The following CNTNAP5 variants were observed in gnomAD, a reference collection of about 807,000 sequenced individuals.
CNTNAP5 encodes contactin associated protein family member 5.
CNTNAP5 carries 72 observed loss-of-function variants against 150.2 expected under a neutral mutation model. That is an observed-to-expected ratio of 0.48 (90% CI 0.40 to 0.58). CNTNAP5 has a LOEUF of 0.58. CNTNAP5 is among the 20% of genes least tolerant of loss of function. The pLI, the probability that CNTNAP5 is intolerant of heterozygous loss-of-function variation, is 0.00. For missense variants in CNTNAP5, 1,636 were observed against 1,626.2 expected (o/e 1.01, Z -0.10); for synonymous variants, 672 against 619.8 (o/e 1.08, Z -1.25).
intron 13 of CNTNAP5, among the ~76,000 whole-genome samples, chr2:124,649,454 G>A (rs112023689): frequency 1.1e-4 from 17 of 152,224 alleles, no homozygotes; most frequent in Middle Eastern, 3.4e-3. Context: ...TGAAGGTTTC[G>A]GTTTGGCCGA....
rs141688070 is a variant in CNTNAP5 at position 124,778,545 on chromosome 2, C to T, written c.2752+5528C>T. 492 of 153,930 alleles carry T rather than the reference C, an allele frequency of 3.2e-3. 2 individuals are homozygous for T. Among genetic ancestry groups the T allele is most frequent in the Non-Finnish European group, 5.4e-3 (368 of 68,146 alleles). The allele number at this position is 153,930 out of a possible 1,614,324, so 9.5% of individuals were successfully genotyped here. Reference sequence around the variant, plus strand: ...GCTGGCATCATTAGCTTCATCAATACCCAGACCGAGTTTGATCATCCTGTC... The same window carrying T: ...GCTGGCATCATTAGCTTCATCAATATCCAGACCGAGTTTGATCATCCTGTC... On this transcript the variant is annotated intron_variant, in intron 17 of 23. Transcript: ENST00000682447.
At chr2:124,582,620 G>A (rs1163905024) in intron 11 of CNTNAP5, among the ~76,000 whole-genome samples, 3 of 152,252 alleles carry the variant, frequency 2.0e-5, no homozygotes, top group East Asian at 3.9e-4. Flanking sequence ...CTGATGGCCT[G>A]CTCAGGCTCT....
intron 5 of CNTNAP5, among the ~76,000 whole-genome samples, chr2:124,439,425 TAAAATAACTATGCATCATCAAA>T (rs897855644): frequency 6.6e-6 from 1 of 152,158 alleles, no homozygotes; most frequent in Non-Finnish European, 1.5e-5. Flanking sequence ...TAATTGGAAA[TAAAATAACTATGCATCATCAAA>T]ATCATATAAC....
chr2:124,126,304 C>A (rs1221424483), intron 1 of CNTNAP5, among the ~76,000 whole-genome samples: 1 of 152,172 alleles, frequency 6.6e-6, no homozygotes, highest in Non-Finnish European at 1.5e-5. Flanking sequence ...ACTAGAAAAT[C>A]TAGAAGAAAT....
intron 7 of CNTNAP5, among the ~76,000 whole-genome samples, chr2:124,481,488 A>T (rs541237271): frequency 2.6e-5 from 4 of 152,354 alleles, no homozygotes; most frequent in Admixed American, 2.6e-4. Flanking sequence ...TTTCTTTAGA[A>T]TGTTTTAAAA....
chr2:124,054,247 G>A (rs1289732058), intron 1 of CNTNAP5, among the ~76,000 whole-genome samples: 1 of 152,142 alleles, frequency 6.6e-6, no homozygotes, highest in Non-Finnish European at 1.5e-5. Flanking sequence ...TGGGTTGGTT[G>A]TCTTTTTAAA....
intron 13 of CNTNAP5, among the ~76,000 whole-genome samples, chr2:124,705,374 A>G (rs1268240472): frequency 6.6e-6 from 1 of 152,068 alleles, no homozygotes; most frequent in Non-Finnish European, 1.5e-5. Context: ...CTAAAAATAA[A>G]ATAATTAGGC....
intron 3 of CNTNAP5, among the ~76,000 whole-genome samples, chr2:124,351,274 G>A (rs568238832): frequency 6.6e-6 from 1 of 152,162 alleles, no homozygotes; most frequent in African/African-American, 2.4e-5. Flanking sequence ...TTCCTTCAGG[G>A]CAGCCACTTT....
chr2:124,217,110 A>G (rs552525726), intron 1 of CNTNAP5, among the ~76,000 whole-genome samples: 1 of 152,314 alleles, frequency 6.6e-6, no homozygotes, highest in African/African-American at 2.4e-5. Flanking sequence ...AGGCCAATGC[A>G]TCTGTGAAAT....
At chr2:124,510,492 T>TAC (rs1558933522) in intron 8 of CNTNAP5, among the ~76,000 whole-genome samples, 1 of 118,288 alleles carries the variant, frequency 8.5e-6, no homozygotes, top group African/African-American at 3.1e-5. Flanking sequence ...TATATATATA[T>TAC]ATATATATAT....
chr2:124,092,771 G>A (rs1188860023), intron 1 of CNTNAP5, among the ~76,000 whole-genome samples: 2 of 152,132 alleles, frequency 1.3e-5, no homozygotes, highest in Admixed American at 6.5e-5. Context: ...CTTGTCTCTT[G>A]CTTTTTAATG....
chr2:124,575,639 A>G (rs1388902925), intron 11 of CNTNAP5, among the ~76,000 whole-genome samples: 2 of 152,174 alleles, frequency 1.3e-5, no homozygotes, highest in African/African-American at 4.8e-5. Flanking sequence ...GCTCTGCTCT[A>G]GTATCACCTC....
intron 13 of CNTNAP5, among the ~76,000 whole-genome samples, chr2:124,745,674 A>G (rs1204956584): frequency 6.6e-6 from 1 of 152,234 alleles, no homozygotes; most frequent in Non-Finnish European, 1.5e-5. Context: ...ACTGGTTAAC[A>G]GACATCTCCA....
At position 124,686,483 on chromosome 2, in the gene CNTNAP5, A is replaced by G. The variant is rs903220148; in HGVS notation, c.2077+38525A>G. Among the ~76,000 whole-genome samples, 10 of 152,120 alleles carry G rather than the reference A, an allele frequency of 6.6e-5. 1 individual carries two copies. The highest frequency in any genetic ancestry group is 6.6e-4 in the Admixed American group (10 of 15,240). On this transcript the variant is annotated intron_variant, in intron 13 of 23. Transcript: ENST00000682447. ...AATACTCCCCAAAGATGGCTCACCTATAGAAGAAAAGGACCTGGTACCGGA... is the reference window on the plus strand; with the variant it reads ...AATACTCCCCAAAGATGGCTCACCTGTAGAAGAAAAGGACCTGGTACCGGA...
Position 124,496,748 on chromosome 2 carries a change from A to G in CNTNAP5, c.1063-7544A>G, listed in dbSNP as rs557646288. ...TTACTATTTCCTCTCAGGAATAATG[A>G]AGGACGTGCCAGGATCTCACTGTCC... On this transcript the variant is annotated intron_variant, in intron 7 of 23. Transcript: ENST00000682447. 6.6e-5 allele frequency among the ~76,000 whole-genome samples: 10 copies of G among 152,262 alleles called. No homozygotes were observed. In the South Asian group the frequency reaches 1.9e-3, roughly 28 times the overall value.
chr2:124,421,551 G>T (rs1692104051), intron 4 of CNTNAP5, among the ~76,000 whole-genome samples: 1 of 152,156 alleles, frequency 6.6e-6, no homozygotes, highest in Admixed American at 6.5e-5. Flanking sequence ...GCCTCTGTCA[G>T]TTCTTACCTG....
chr2:124,408,244 G>A (rs1225110522), intron 3 of CNTNAP5, among the ~76,000 whole-genome samples: 4 of 152,196 alleles, frequency 2.6e-5, no homozygotes, highest in Admixed American at 6.5e-5. Context: ...CGCCCACGGA[G>A]TCTCGCTGAT....
intron 1 of CNTNAP5, among the ~76,000 whole-genome samples, chr2:124,207,765 C>T (rs1685897764): frequency 6.6e-6 from 1 of 152,098 alleles, no homozygotes; most frequent in Non-Finnish European, 1.5e-5. Context: ...ATGTATTTTC[C>T]TGCTATTTTT....
intron 13 of CNTNAP5, among the ~76,000 whole-genome samples, chr2:124,679,149 A>C (rs1274088316): frequency 6.6e-6 from 1 of 151,874 alleles, no homozygotes; most frequent in Non-Finnish European, 1.5e-5. Context: ...AGAGGTATGC[A>C]GCAACTTCTG....
Sources: allele counts gnomAD v4.1 joint callset (sites outside exome capture counted in the v4.1 genomes callset), GRCh38; gene constraint gnomAD v4.1.1; transcripts MANE v1.5; gene names NCBI Gene and HGNC (gene_info 2026-07-23, HGNC 2026-07-21).